CD99L2: variants seen among roughly 807,000 people sequenced by gnomAD.
The protein encoded by CD99L2 is CD99 antigen-like protein 2.
In CD99L2, 24 loss-of-function variants were observed where a neutral mutation model predicts 27.3. That is an observed-to-expected ratio of 0.88 (90% CI 0.64 to 1.24). The LOEUF (loss-of-function observed/expected upper bound fraction) is 1.24. Among genes scored for constraint, CD99L2 ranks in the 50% most tolerant of loss-of-function variants. The pLI is 0.00. For synonymous variants in CD99L2, 97 were observed against 87.9 expected (o/e 1.10, Z -0.58); for missense variants, 255 against 221.6 (o/e 1.15, Z -0.96).
In CD99L2 at chrX:150,766,426, C is replaced by A. The variant is rs2148697715; in HGVS notation, c.*2608G>T. The A allele has an allele frequency of 9.0e-6, 1 of 110,916 alleles. No individual in the cohort carries two copies. The highest frequency in any genetic ancestry group is 2.8e-4 in the East Asian group (1 of 3,511). 9.1% of individuals were successfully genotyped at this position (110,916 alleles called of 1,213,427 possible). ...CACGTGAACAGATGTACAGGGAATT[C>A]TGGAATTTTGAGATCAGTCCCCATT... On this transcript the variant is annotated 3_prime_UTR_variant, in exon 11 of 11. Coordinates refer to ENST00000370377, the MANE Select transcript of CD99L2 (RefSeq NM_031462.4).
chrX:150,773,778 A>G (rs915823125), intron 9 of CD99L2, among the ~76,000 whole-genome samples: 55 of 112,579 alleles, frequency 4.9e-4, no homozygotes, highest in African/African-American at 1.7e-3. Context: ...GAGAGAATCA[A>G]CTTCTGTTGT....
At chrX:150,770,048 AC>A (rs1458867026) in intron 10 of CD99L2, among the ~76,000 whole-genome samples, 1 of 112,959 alleles carries the variant, frequency 8.9e-6, no homozygotes, top group Non-Finnish European at 1.9e-5. Flanking sequence ...GCTCGGACGG[AC>A]GAATCAAGGG....
chrX:150,894,934 T>A (rs1257432355), intron 1 of CD99L2, among the ~76,000 whole-genome samples: 2 of 111,575 alleles, frequency 1.8e-5, no homozygotes, highest in Non-Finnish European at 3.8e-5. Context: ...TCCTATTACC[T>A]GCATGATCCC....
At chrX:150,869,934 C>T (rs2047129763) in intron 1 of CD99L2, among the ~76,000 whole-genome samples, 1 of 111,095 alleles carries the variant, frequency 9.0e-6, no homozygotes, top group Non-Finnish European at 1.9e-5. Flanking sequence ...CAAGGTTGTT[C>T]TCATCCCCAC....
intron 1 of CD99L2, among the ~76,000 whole-genome samples, chrX:150,837,307 T>C (rs1460339090): frequency 9.0e-6 from 1 of 110,604 alleles, no homozygotes; most frequent in Non-Finnish European, 1.9e-5. Context: ...TAGAGTGCAA[T>C]GGCACAATCT....
At chrX:150,811,360 T>G (rs1312958619) in intron 4 of CD99L2, among the ~76,000 whole-genome samples, 1 of 110,857 alleles carries the variant, frequency 9.0e-6, no homozygotes, top group African/African-American at 3.3e-5. Flanking sequence ...AAAATAAAAT[T>G]TTAAAAAGGA....
chrX:150,769,693 CGG>C lies in CD99L2; in HGVS notation c.722-594_722-593del, dbSNP rs1569565833. 1.0e-3 allele frequency among the ~76,000 whole-genome samples: 80 copies of C among 77,681 alleles called. 4 individuals are homozygous for C. In the East Asian group the frequency reaches 0.028, roughly 27 times the overall value. The allele number at this position is 77,681 out of a possible 115,157, so 67.5% of individuals were successfully genotyped here. A position where few individuals can be genotyped will look rare whatever the true frequency, so the allele number is the denominator to read the frequency against. On this transcript the variant is annotated intron_variant, in intron 10 of 10. Transcript: ENST00000370377. ...TCTCCCTGCCTGCGCCACCAGGCCT[CGG>C]CTGCTCCCCGACCCCAGCAAGCCTT...
intron 9 of CD99L2, 32 bp downstream of exon 9, chrX:150,776,142 G>C: frequency 8.3e-7 from 1 of 1,205,251 alleles, no homozygotes; most frequent in Non-Finnish European, 1.1e-6. Context: ...TTGCCAGCTG[G>C]TTCCTAGCCA....
chrX:150,892,628 A>C (rs1166218658), intron 1 of CD99L2, among the ~76,000 whole-genome samples: 1 of 106,445 alleles, frequency 9.4e-6, no homozygotes, highest in African/African-American at 3.4e-5. Flanking sequence ...AAAAAAAAAA[A>C]AAAGAACAGA....
intron 1 of CD99L2, among the ~76,000 whole-genome samples, chrX:150,880,225 T>C (rs1284358621): frequency 9.0e-6 from 1 of 111,711 alleles, no homozygotes; most frequent in African/African-American, 3.3e-5. Flanking sequence ...AAAACATAAG[T>C]CCACACAAAC....
intron 1 of CD99L2, among the ~76,000 whole-genome samples, chrX:150,872,894 A>T (rs1218714509): frequency 8.9e-6 from 1 of 112,086 alleles, no homozygotes; most frequent in Middle Eastern, 4.2e-3. Flanking sequence ...CAGGCCTGGC[A>T]CCAAGAAGCA....
At chrX:150,788,374 A>G (rs2045632883) in intron 7 of CD99L2, among the ~76,000 whole-genome samples, 1 of 111,170 alleles carries the variant, frequency 9.0e-6, no homozygotes, top group African/African-American at 3.3e-5. Context: ...TGACAGGGTC[A>G]CATTCATGTT....
intron 1 of CD99L2, among the ~76,000 whole-genome samples, chrX:150,870,385 C>T (rs781928918): frequency 3.6e-5 from 4 of 111,758 alleles, no homozygotes; most frequent in Non-Finnish European, 7.5e-5. Context: ...CTGGAGTAAA[C>T]AAGTCACAAT....
At chrX:150,847,580 A>G (rs2046721623) in intron 1 of CD99L2, among the ~76,000 whole-genome samples, 1 of 110,513 alleles carries the variant, frequency 9.0e-6, no homozygotes, top group Non-Finnish European at 1.9e-5. Context: ...AACTCATAAA[A>G]TGACTATCTA....
At chrX:150,892,843 T>C (rs782069813) in intron 1 of CD99L2, among the ~76,000 whole-genome samples, 30 of 109,900 alleles carry the variant, frequency 2.7e-4, no homozygotes, top group African/African-American at 9.3e-4. Context: ...AAACACAAGC[T>C]GGGCGCGGTG....
intron 1 of CD99L2, among the ~76,000 whole-genome samples, chrX:150,851,552 G>A (rs2046793472): frequency 8.9e-6 from 1 of 111,979 alleles, no homozygotes; most frequent in Non-Finnish European, 1.9e-5. Context: ...ATTTTCTATT[G>A]GTGCTATAAC....
chrX:150,777,155 C>G, intron 8 of CD99L2: 1 of 369,997 alleles, frequency 2.7e-6, no homozygotes, highest in Non-Finnish European at 4.6e-6. Context: ...ACGGCTCTCT[C>G]TCCCTCTGTA....
rs191031371 is a variant in CD99L2, at chrX:150,883,672, T to C, written c.67+14850A>G. ...CTAGACTTCAAAGATTCCCCAGATA[T>C]ATATTTCAGTTACAATAAGCAGTAC... is the stretch of plus-strand genomic sequence containing the variant. On this transcript the variant is annotated intron_variant, in intron 1 of 10. Transcript: ENST00000370377. Among the ~76,000 whole-genome samples the C allele has an allele frequency of 2.2e-4, 25 of 111,365 alleles. No homozygotes were observed. In the East Asian group the frequency reaches 3.6e-3, roughly 16 times the overall value.
intron 1 of CD99L2, among the ~76,000 whole-genome samples, chrX:150,843,689 C>T (rs1025052532): frequency 9.1e-6 from 1 of 110,184 alleles, no homozygotes; most frequent in Non-Finnish European, 1.9e-5. Flanking sequence ...TAATAAAATC[C>T]TGACCCTTTT....
Sources: gnomAD v4.1 joint callset for allele counts (sites outside exome capture counted in the v4.1 genomes callset) on GRCh38, gnomAD v4.1.1 for gene constraint, MANE v1.5 for transcripts, NCBI Gene and HGNC (gene_info 2026-07-23, HGNC 2026-07-21) for gene names.